MYLK: variants seen among roughly 807,000 people sequenced by gnomAD.
MYLK encodes the protein myosin light chain kinase.
A neutral mutation model predicts 203.4 loss-of-function variants in MYLK; 106 were observed. The observed-to-expected ratio is 0.52, with a 90% CI of 0.45 to 0.61. The LOEUF (loss-of-function observed/expected upper bound fraction) is 0.61. Among genes scored for constraint, MYLK ranks in the 20% least tolerant of loss-of-function variants. The pLI, the probability that MYLK is intolerant of heterozygous loss-of-function variation, is 0.00. For missense variants in MYLK, 2,072 were observed against 2,442.3 expected, an observed-to-expected ratio of 0.85 and a Z score of 3.20; for synonymous variants, 867 against 959.5, an observed-to-expected ratio of 0.90 and a Z score of 1.78.
At chr3:123,822,555 C>T (rs2065973310) in intron 3 of MYLK, among the ~76,000 whole-genome samples, 2 of 152,226 alleles carry the variant, frequency 1.3e-5, no homozygotes, top group South Asian at 4.1e-4. Flanking sequence ...AAGAATCCCA[C>T]TGCTGCATCA....
intron 3 of MYLK, among the ~76,000 whole-genome samples, chr3:123,803,720 C>T (rs1397700271): frequency 6.6e-6 from 1 of 152,240 alleles, no homozygotes; most frequent in Non-Finnish European, 1.5e-5. Flanking sequence ...GGGCTCCCTG[C>T]CCAGGGCTGC....
At chr3:123,726,150 C>G (rs1300999278) in intron 11 of MYLK, 72 bp from the exon 12 acceptor site, 1 of 1,597,914 alleles carries the variant, frequency 6.3e-7, no homozygotes, top group African/African-American at 1.3e-5. Flanking sequence ...GTCACCCCAG[C>G]CTCCCAGGCA....
At chr3:123,805,974 T>G (rs1034977239) in intron 3 of MYLK, among the ~76,000 whole-genome samples, 1 of 152,266 alleles carries the variant, frequency 6.6e-6, no homozygotes, top group African/African-American at 2.4e-5. Context: ...TCAGTTATGA[T>G]GAAGACTCAG....
intron 2 of MYLK, among the ~76,000 whole-genome samples, chr3:123,843,049 G>A (rs893009227): frequency 6.6e-6 from 1 of 152,114 alleles, no homozygotes; most frequent in South Asian, 2.1e-4. Flanking sequence ...CGGATAGTGT[G>A]GAATACAGCT....
At chr3:123,681,954 C>G in intron 20 of MYLK, 1 of 509,190 alleles carries the variant, frequency 2.0e-6, no homozygotes, top group Non-Finnish European at 3.6e-6. Context: ...GGAGGTTGGG[C>G]AGGGGAGGTA....
At chr3:123,679,475 G>C (rs1314736069) in intron 20 of MYLK, among the ~76,000 whole-genome samples, 1 of 152,072 alleles carries the variant, frequency 6.6e-6, no homozygotes, top group Non-Finnish European at 1.5e-5. Context: ...AGCAGGTGGA[G>C]GGCAGCTAGA....
In MYLK at chr3:123,734,033, C is replaced by T. The variant is rs1052922812; in HGVS notation, c.963G>A (p.Lys321=). 4.3e-6 allele frequency: 7 copies of T among 1,614,032 alleles called. No homozygotes were observed. The highest frequency in any genetic ancestry group is 5.9e-6 in the Non-Finnish European group (7 of 1,180,028). ...TGGGCGAGTCCTTGCATGACTCCAG[C>T]TTGGACTCCCTTGGGGGCTGAGGCT... is the stretch of plus-strand genomic sequence containing the variant. ...NSQPQPPRES[K]LESCKDSPRT... is the part of the protein sequence containing the mutation. The change falls in exon 10 of 34, where the codon AAG becomes AAA. Residue 321 remains lysine, a synonymous_variant. Coordinates refer to ENST00000360304, the MANE Select transcript of MYLK (RefSeq NM_053025.4).
chr3:123,657,324 G>A lies in MYLK; in HGVS notation c.4090C>T (p.Gln1364Ter). 6.2e-7 allele frequency: 1 copy of A among 1,614,010 alleles called. No individual in the cohort carries two copies. Among genetic ancestry groups the A allele is most frequent in the Non-Finnish European group, 8.5e-7 (1 of 1,179,886 alleles). Residue 1364 changes from glutamine to a stop codon, truncating the protein, a stop_gained, in exon 24 of 34, where the codon CAG becomes TAG. Coordinates refer to ENST00000360304, the MANE Select transcript of MYLK (RefSeq NM_053025.4). LOFTEE classifies it high-confidence loss of function. ...GSSYDGGSAV[Q>*]SYSIEIWDSA... ...TCCCAGATCTCGATGCTGTAGGACT[G>A]TACAGCACTGCCCCCATCATATGAG... is the stretch of plus-strand genomic sequence containing the variant.
intron 4 of MYLK, among the ~76,000 whole-genome samples, chr3:123,771,841 C>T (rs1245884463): frequency 6.6e-6 from 1 of 152,168 alleles, no homozygotes; most frequent in African/African-American, 2.4e-5. Context: ...CATTGAATAT[C>T]TCATGTAATT....
At chr3:123,750,071 C>A (rs1301551001) in intron 5 of MYLK, among the ~76,000 whole-genome samples, 1 of 152,202 alleles carries the variant, frequency 6.6e-6, no homozygotes, top group Non-Finnish European at 1.5e-5. Context: ...TGGACTCTTT[C>A]AGGCCTAGGT....
chr3:123,775,189 AT>A (rs974968624), intron 4 of MYLK, among the ~76,000 whole-genome samples: 6 of 151,798 alleles, frequency 4.0e-5, no homozygotes, highest in Admixed American at 1.3e-4. Flanking sequence ...TGCCCAGCTA[AT>A]TTTTTTTATT....
chr3:123,692,240 G>T, intron 19 of MYLK: 1 of 977,116 alleles, frequency 1.0e-6, no homozygotes, highest in Non-Finnish European at 1.2e-6. Flanking sequence ...TTTTGGCAGA[G>T]GCTGCCCTGT....
chr3:123,705,900 C>T (rs764558984), intron 16 of MYLK, among the ~76,000 whole-genome samples: 2 of 152,162 alleles, frequency 1.3e-5, no homozygotes, highest in Admixed American at 6.5e-5. Flanking sequence ...TCTATACTGA[C>T]GAGATCATCA....
chr3:123,678,224 A>G (rs964587424), intron 20 of MYLK, among the ~76,000 whole-genome samples: 1 of 151,896 alleles, frequency 6.6e-6, no homozygotes, highest in South Asian at 2.1e-4. Flanking sequence ...AGGTGCCCTC[A>G]CAATCTTCAC....
intron 29 of MYLK, among the ~76,000 whole-genome samples, chr3:123,634,979 C>A (rs186120976): frequency 6.6e-6 from 1 of 152,204 alleles, no homozygotes. Context: ...GGGGGCTCCA[C>A]GACCCCATTC....
chr3:123,615,222 G>A (rs1459753922), intron 33 of MYLK, among the ~76,000 whole-genome samples: 1 of 151,856 alleles, frequency 6.6e-6, no homozygotes, highest in Non-Finnish European at 1.5e-5. Context: ...GACCAGCTTG[G>A]CCAACATGGC....
At chr3:123,783,672 A>C (rs145735546) in intron 4 of MYLK, among the ~76,000 whole-genome samples, 102 of 152,012 alleles carry the variant, frequency 6.7e-4, no homozygotes, top group African/African-American at 2.1e-3. Flanking sequence ...TGTACAAAGT[A>C]AAAGGTGAAA....
intron 3 of MYLK, among the ~76,000 whole-genome samples, chr3:123,829,522 G>A (rs2066250717): frequency 6.6e-6 from 1 of 152,074 alleles, no homozygotes; most frequent in Non-Finnish European, 1.5e-5. Flanking sequence ...AAGTTCTACT[G>A]TTCTATACCA....
At chr3:123,647,933 A>G (rs921645228) in intron 26 of MYLK, among the ~76,000 whole-genome samples, 1 of 152,088 alleles carries the variant, frequency 6.6e-6, no homozygotes, top group Non-Finnish European at 1.5e-5. Context: ...AGTGGAACCC[A>G]TGAAGATGGG....
Sources: allele counts gnomAD v4.1 joint callset (sites outside exome capture counted in the v4.1 genomes callset), GRCh38; gene constraint gnomAD v4.1.1; transcripts MANE v1.5; gene names NCBI Gene and HGNC (gene_info 2026-07-23, HGNC 2026-07-21).